The following ADGRE3 variants were observed in gnomAD, a reference collection of about 807,000 sequenced individuals.
ADGRE3 encodes the protein EGF-like module receptor 3.
A neutral mutation model predicts 80.1 loss-of-function variants in ADGRE3; 88 were observed. The observed-to-expected ratio is 1.10, with a 90% CI of 0.93 to 1.31. ADGRE3 has a LOEUF of 1.31. Among genes scored for constraint, ADGRE3 ranks in the 40% most tolerant of loss-of-function variants. ADGRE3 has a pLI of 0.00. For missense variants in ADGRE3, 715 were observed against 776.5 expected, an observed-to-expected ratio of 0.92 and a Z score of 0.94; for synonymous variants, 281 against 294.8, an observed-to-expected ratio of 0.95 and a Z score of 0.48.
intron 2 of ADGRE3, among the ~76,000 whole-genome samples, chr19:14,666,346 G>T (rs1972105691): frequency 6.7e-6 from 1 of 149,084 alleles, no homozygotes; most frequent in South Asian, 2.1e-4. Context: ...TATAATTAGT[G>T]ATGTTGAGCA....
chr19:14,674,680 G>A (rs1229245556), intron 1 of ADGRE3, 66 bp downstream of exon 1: 2 of 1,527,618 alleles, frequency 1.3e-6, no homozygotes, highest in Admixed American at 3.5e-5. Flanking sequence ...ATAACCAATT[G>A]TTGAACCAAG....
intron 8 of ADGRE3, 54 bp from the exon 9 acceptor site, chr19:14,644,329 T>G (rs1015180201): frequency 1.5e-6 from 2 of 1,331,706 alleles, no homozygotes; most frequent in East Asian, 5.5e-5. Flanking sequence ...TTCTTTCTTT[T>G]TTTTTTTTGG....
chr19:14,606,687 A>G, the ADGRE3 span, among the ~76,000 whole-genome samples: 1 of 151,956 alleles, frequency 6.6e-6, no homozygotes, highest in Non-Finnish European at 1.5e-5. Context: ...CTCAAAAAAA[A>G]AAAAAAAAAA....
chr19:14,661,961 AC>A lies in ADGRE3; in HGVS notation c.355+1del. 1 of 1,613,910 alleles carries A rather than the reference AC, an allele frequency of 6.2e-7. No individual in the cohort carries two copies. The highest frequency in any genetic ancestry group is 8.5e-7 in the Non-Finnish European group (1 of 1,179,838). On this transcript the variant is annotated splice_donor_variant, in intron 4 of 15. Transcript: ENST00000253673. LOFTEE classifies it high-confidence loss of function. ...AAGGCAGGAGGACAAAAATGTTCTT[AC>A]CCTGACAGGTGTTCTCATTGGAATT...
At chr19:14,633,061 G>A (rs762678750) in intron 12 of ADGRE3, 49 bp from the exon 13 acceptor site, 1 of 1,448,654 alleles carries the variant, frequency 6.9e-7, no homozygotes, top group Admixed American at 1.7e-5. Flanking sequence ...AGTAATGTAT[G>A]GTGTCCACTT....
rs145159913 is a variant in ADGRE3 at position 14,664,846 on chromosome 19, C to T, written c.77-1306G>A. ...TAAATTCACAGAATTGAAAAAAAAT[C>T]CAACAATAAGTCTCTTATTACCCCA... On this transcript the variant is annotated intron_variant, in intron 2 of 15. Coordinates refer to ENST00000253673, the MANE Select transcript of ADGRE3 (RefSeq NM_032571.5). Among the ~76,000 whole-genome samples the T allele has an allele frequency of 7.6e-3, 1,148 of 152,024 alleles. 14 individuals are homozygous for T. Among genetic ancestry groups the T allele is most frequent in the African/African-American group, 0.027 (1,112 of 41,488 alleles).
chr19:14,631,259 T>C (rs577503136), intron 13 of ADGRE3, among the ~76,000 whole-genome samples: 78 of 152,228 alleles, frequency 5.1e-4, no homozygotes, highest in Middle Eastern at 6.8e-3. Flanking sequence ...TGATAAATGT[T>C]TGAGGTGATG....
At chr19:14,610,681 G>C in the ADGRE3 span, 2 of 156,772 alleles carry the variant, frequency 1.3e-5, no homozygotes, top group African/African-American at 4.8e-5. Context: ...CACCATGCCT[G>C]GCCAATTTTT....
chr19:14,615,859 A>G (rs1001219639), downstream of ADGRE3, among the ~76,000 whole-genome samples: 4 of 152,000 alleles, frequency 2.6e-5, no homozygotes, highest in African/African-American at 9.7e-5. Flanking sequence ...TCCTGGGTTC[A>G]AGCAATCCTC....
rs775703180 is a variant in ADGRE3 at position 14,644,265 on chromosome 19, C to T, written c.893G>A (p.Ser298Asn). 1.3e-6 allele frequency: 2 copies of T among 1,526,542 alleles called. No homozygotes were observed. The highest frequency in any genetic ancestry group is 8.8e-7 in the Non-Finnish European group (1 of 1,136,446). The allele number at this position is 1,526,542 out of a possible 1,614,324, so 94.6% of individuals were successfully genotyped here. ...GTAGACACAGAAGACCTTTTTGGTA[C>T]TGGGGGTCATCTGAAAATAGAAAAT... The part of the protein sequence containing the change: ...LTFQHVKMTP[S>N]TKKVFCVYWK... The change falls in exon 9 of 16, where the codon AGT becomes AAT. Residue 298 changes from serine to asparagine, a missense_variant. Physicochemically the swap from Ser to Asn is conservative, Grantham distance 46. Coordinates refer to ENST00000253673, the MANE Select transcript of ADGRE3 (RefSeq NM_032571.5).
chr19:14,658,688 G>A, intron 4 of ADGRE3, 138 bp from the exon 5 acceptor site: 2 of 409,090 alleles, frequency 4.9e-6, no homozygotes. Flanking sequence ...TTTATCTGCT[G>A]TTTGTTGATT....
At chr19:14,653,204 C>T (rs1971655869) in intron 6 of ADGRE3, among the ~76,000 whole-genome samples, 1 of 151,986 alleles carries the variant, frequency 6.6e-6, no homozygotes, top group African/African-American at 2.4e-5. Flanking sequence ...TCTCGAACTC[C>T]TGACCTCAAG....
rs1312374558 is a variant in ADGRE3, at chr19:14,626,485, G to C, written c.1813-886C>G. 2.0e-5 allele frequency among the ~76,000 whole-genome samples: 3 copies of C among 152,078 alleles called. No individual in the cohort carries two copies. In the East Asian group the frequency reaches 5.8e-4, roughly 29 times the overall value. On this transcript the variant is annotated intron_variant, in intron 14 of 15. Coordinates refer to ENST00000253673, the MANE Select transcript of ADGRE3 (RefSeq NM_032571.5). ...AAAAAATAGAAAATGTATAAGATAT[G>C]CATATGCAAAAGGAAGAAAATAGAA...
intron 10 of ADGRE3, among the ~76,000 whole-genome samples, chr19:14,639,625 A>T (rs940202607): frequency 2.6e-5 from 4 of 152,032 alleles, no homozygotes; most frequent in African/African-American, 9.7e-5. Flanking sequence ...TATATTGCCC[A>T]GGATGGCCTC....
At chr19:14,665,936 G>GTATATATATTCATACATATATA (rs71166783) in intron 2 of ADGRE3, among the ~76,000 whole-genome samples, 2 of 42,104 alleles carry the variant, frequency 4.8e-5, no homozygotes, top group South Asian at 8.0e-4. Flanking sequence ...ACACATATGT[G>GTATATATATTCATACATATATA]TATATATATA....
chr19:14,605,867 T>C, the ADGRE3 span, among the ~76,000 whole-genome samples: 1 of 152,042 alleles, frequency 6.6e-6, no homozygotes, highest in Non-Finnish European at 1.5e-5. Flanking sequence ...GCCTCCTGAG[T>C]AGCTGGGACT....
intron 14 of ADGRE3, among the ~76,000 whole-genome samples, chr19:14,628,991 C>T (rs773579118): frequency 3.9e-5 from 6 of 152,002 alleles, no homozygotes; most frequent in Middle Eastern, 3.4e-3. Flanking sequence ...GGTGCGATCT[C>T]GGCTCACTGC....
intron 15 of ADGRE3, among the ~76,000 whole-genome samples, chr19:14,625,288 GC>G (rs762866927): frequency 3.3e-4 from 50 of 152,100 alleles, no homozygotes; most frequent in Non-Finnish European, 4.9e-4. Context: ...CTAATGCTGG[GC>G]TTAATACCTA....
At chr19:14,607,662 G>A in the ADGRE3 span, among the ~76,000 whole-genome samples, 1 of 151,412 alleles carries the variant, frequency 6.6e-6, no homozygotes, top group African/African-American at 2.4e-5. Flanking sequence ...TGTAATCTCT[G>A]TCTCCCAGGT....
Sources: gnomAD v4.1 joint callset for allele counts (sites outside exome capture counted in the v4.1 genomes callset) on GRCh38, gnomAD v4.1.1 for gene constraint, MANE v1.5 for transcripts, NCBI Gene and HGNC (gene_info 2026-07-23, HGNC 2026-07-21) for gene names.